STIM1: variants seen among roughly 807,000 people sequenced by gnomAD.
The protein encoded by STIM1 is stromal interaction molecule 1.
In STIM1, 25 loss-of-function variants were observed where a neutral mutation model predicts 74.7. That is an observed-to-expected ratio of 0.33 (90% CI 0.24 to 0.47). STIM1 has a LOEUF of 0.47. STIM1 is among the 20% of genes least tolerant of loss of function. The pLI is 1.00. For synonymous variants in STIM1, 328 were observed against 348.8 expected (o/e 0.94, Z 0.66); for missense variants, 728 against 920.8 (o/e 0.79, Z 2.71).
Position 4,017,077 on chromosome 11 carries a change from A to G in STIM1, c.271-6796A>G, listed in dbSNP as rs551107262. Among the ~76,000 whole-genome samples the G allele has an allele frequency of 4.2e-3, 637 of 152,276 alleles. 7 individuals carry two copies. Among genetic ancestry groups the G allele is most frequent in the South Asian group, 0.026 (127 of 4,830 alleles). Reference sequence around the variant, plus strand: ...CTTTGGCTTGTCCTCCATGGGCTGCACCCACTGTCCAACCAGTCCCAATGA... The same window carrying G: ...CTTTGGCTTGTCCTCCATGGGCTGCGCCCACTGTCCAACCAGTCCCAATGA... On this transcript the variant is annotated intron_variant, in intron 2 of 12. Transcript: ENST00000526596.
At chr11:3,924,291 C>T (rs190969751) in intron 1 of STIM1, among the ~76,000 whole-genome samples, 138 of 151,422 alleles carry the variant, frequency 9.1e-4, no homozygotes, top group African/African-American at 3.2e-3. Context: ...CTCTGCCTCC[C>T]GGGTTCACAC....
chr11:4,045,761 T>TA (rs1233417297), intron 3 of STIM1, among the ~76,000 whole-genome samples: 2 of 128,530 alleles, frequency 1.6e-5, no homozygotes, highest in Admixed American at 8.5e-5. Context: ...CCTCAACACT[T>TA]CTTTTTTTTT....
chr11:3,914,373 G>C (rs893966922), intron 1 of STIM1, among the ~76,000 whole-genome samples: 1 of 151,610 alleles, frequency 6.6e-6, no homozygotes, highest in Non-Finnish European at 1.5e-5. Context: ...TTATTCATCT[G>C]TTGATGAATA....
At chr11:3,936,368 A>G (rs1343029554) in intron 1 of STIM1, among the ~76,000 whole-genome samples, 1 of 152,180 alleles carries the variant, frequency 6.6e-6, no homozygotes, top group Non-Finnish European at 1.5e-5. Flanking sequence ...CTTACAATCT[A>G]AGCACTAGGA....
rs1433234303 is a variant in STIM1 at position 4,070,222 on chromosome 11, G to T, written c.791+19G>T. 1 of 1,613,138 alleles carries T rather than the reference G, an allele frequency of 6.2e-7. No homozygotes were observed. The highest frequency in any genetic ancestry group is 1.3e-5 in the African/African-American group (1 of 74,910). On this transcript the variant is annotated intron_variant, in intron 6 of 12. Transcript: ENST00000526596. The stretch of plus-strand genomic sequence containing the variant: ...AGGAAAGGTAAGGCCTGCCCCTTCA[G>T]GAAAGGTGAGGCCCTGCCAGTTCTT...
In STIM1 at chr11:3,959,854, A is replaced by C. The variant is rs539114300; in HGVS notation, c.140-7698A>C. Among the ~76,000 whole-genome samples, 24 of 152,298 alleles carry C rather than the reference A, an allele frequency of 1.6e-4. No individual in the cohort carries two copies. In the South Asian group the frequency reaches 4.6e-3, roughly 29 times the overall value. On this transcript the variant is annotated intron_variant, in intron 1 of 12. Coordinates refer to ENST00000526596, the MANE Select transcript of STIM1 (RefSeq NM_001382567.1). Reference sequence around the variant, plus strand: ...AAAAACTATGTATACCTTTGTACTGATGTTGCAAAAACAGTGGTAGGTAAA... The same window carrying C: ...AAAAACTATGTATACCTTTGTACTGCTGTTGCAAAAACAGTGGTAGGTAAA...
At chr11:3,938,195 C>T (rs2092959551) in intron 1 of STIM1, among the ~76,000 whole-genome samples, 1 of 152,152 alleles carries the variant, frequency 6.6e-6, no homozygotes, top group Non-Finnish European at 1.5e-5. Context: ...GCCTTGGCCC[C>T]CCAAAGTGCT....
chr11:3,912,140 C>A (rs2092572019), intron 1 of STIM1, among the ~76,000 whole-genome samples: 1 of 128,656 alleles, frequency 7.8e-6, no homozygotes, highest in African/African-American at 3.0e-5. Context: ...CCCTCCCATC[C>A]CCTCTCCTCC....
chr11:3,892,616 T>C, intron 1 of STIM1: 1 of 1,604,088 alleles, frequency 6.2e-7, no homozygotes, highest in Non-Finnish European at 8.5e-7. Context: ...ACCTGTATGC[T>C]TTAGGATGAA....
At chr11:3,940,321 G>A (rs1414344190) in intron 1 of STIM1, among the ~76,000 whole-genome samples, 1 of 152,094 alleles carries the variant, frequency 6.6e-6, no homozygotes, top group African/African-American at 2.4e-5. Context: ...ACATAAATGG[G>A]AAAATAGTTT....
At chr11:3,920,535 A>G (rs182399980) in intron 1 of STIM1, among the ~76,000 whole-genome samples, 50 of 152,264 alleles carry the variant, frequency 3.3e-4, no homozygotes, top group Admixed American at 5.9e-4. Context: ...TTGAAGTAGA[A>G]TTATCCCACA....
chr11:4,037,333 G>A (rs1201169023), intron 3 of STIM1, among the ~76,000 whole-genome samples: 1 of 152,178 alleles, frequency 6.6e-6, no homozygotes, highest in Non-Finnish European at 1.5e-5. Flanking sequence ...TTACAGGCGT[G>A]AGCCACTGCA....
intron 1 of STIM1, among the ~76,000 whole-genome samples, chr11:3,873,653 T>G (rs893817046): frequency 2.0e-5 from 3 of 152,134 alleles, no homozygotes; most frequent in Non-Finnish European, 4.4e-5. Flanking sequence ...GATTGCATTC[T>G]GGAGTGAGGG....
intron 1 of STIM1, among the ~76,000 whole-genome samples, chr11:3,878,793 CAT>C (rs1217049450): frequency 6.6e-6 from 1 of 152,158 alleles, no homozygotes; most frequent in Non-Finnish European, 1.5e-5. Context: ...CCCCATAGCT[CAT>C]GTTAGCTGCA....
chr11:3,881,739 A>G (rs984301996), intron 1 of STIM1, among the ~76,000 whole-genome samples: 6 of 152,062 alleles, frequency 3.9e-5, no homozygotes, highest in Non-Finnish European at 8.8e-5. Flanking sequence ...GCTGGAGTGC[A>G]GTGGTGTGCT....
chr11:4,048,657 G>T (rs1398942652), intron 3 of STIM1, among the ~76,000 whole-genome samples: 1 of 151,904 alleles, frequency 6.6e-6, no homozygotes, highest in African/African-American at 2.4e-5. Context: ...CTTCATAATT[G>T]ACTTTTAACA....
chr11:3,958,939 A>G (rs2093252558), intron 1 of STIM1, among the ~76,000 whole-genome samples: 1 of 148,762 alleles, frequency 6.7e-6, no homozygotes, highest in South Asian at 2.2e-4. Flanking sequence ...CGACAAGAGC[A>G]AAACTCTGTC....
intron 2 of STIM1, among the ~76,000 whole-genome samples, chr11:3,987,804 GAC>G (rs55772228): frequency 0.25 from 36,089 of 145,012 alleles, 5,067 homozygotes; most frequent in South Asian, 0.42. Flanking sequence ...TGTCCTTAAG[GAC>G]ACACACACAC....
At chr11:3,933,584 C>T (rs2092897147) in intron 1 of STIM1, among the ~76,000 whole-genome samples, 2 of 152,124 alleles carry the variant, frequency 1.3e-5, no homozygotes. Flanking sequence ...GCCTTGTCTA[C>T]CTTGACTTAT....
Sources: allele counts gnomAD v4.1 joint callset (sites outside exome capture counted in the v4.1 genomes callset), GRCh38; gene constraint gnomAD v4.1.1; transcripts MANE v1.5; gene names NCBI Gene and HGNC (gene_info 2026-07-23, HGNC 2026-07-21).